TP53BP2: variants seen among roughly 807,000 people sequenced by gnomAD.
TP53BP2 encodes the protein apoptosis-stimulating of p53 protein 2.
In TP53BP2, 62 loss-of-function variants were observed where a neutral mutation model predicts 126.2. That is an observed-to-expected ratio of 0.49 (90% confidence interval 0.40 to 0.61). The LOEUF (loss-of-function observed/expected upper bound fraction) is 0.61, where lower values mean the gene tolerates loss of function less well. Ranked by LOEUF, TP53BP2 falls within the 20% of genes least tolerant of loss-of-function variation. The pLI, the probability that TP53BP2 is intolerant of heterozygous loss-of-function variation, is 0.00. For synonymous variants in TP53BP2, 485 were observed against 502.9 expected, an observed-to-expected ratio of 0.96 and a Z score of 0.48; for missense variants, 1,215 against 1,402.8, an observed-to-expected ratio of 0.87 and a Z score of 2.14.
chr1:223,829,734 C>CAA lies in TP53BP2; in HGVS notation c.28-8369_28-8368dup, dbSNP rs541890457. On this transcript the variant is annotated intron_variant, in intron 1 of 17. Coordinates refer to ENST00000343537, the MANE Select transcript of TP53BP2 (RefSeq NM_001031685.3). ...ATAAAGAGTGCAGCAATAATCAGGTCAAAAAAAAAAAAAAACAGCTGTTAC... is the reference window on the plus strand; with the variant it reads ...ATAAAGAGTGCAGCAATAATCAGGTCAAAAAAAAAAAAAAAAACAGCTGTTAC... 8.7e-3 allele frequency among the ~76,000 whole-genome samples: 887 copies of CAA among 101,504 alleles called. 6 individuals are homozygous for CAA. Among genetic ancestry groups the CAA allele is most frequent in the African/African-American group, 0.027 (816 of 29,916 alleles). 66.6% of individuals were successfully genotyped at this position (101,504 alleles called of 152,430 possible).
intron 11 of TP53BP2, among the ~76,000 whole-genome samples, chr1:223,799,658 C>CT (rs1234466538): frequency 6.6e-6 from 1 of 152,174 alleles, no homozygotes. Flanking sequence ...TGCACTTATA[C>CT]TTTTTAGAGA....
intron 2 of TP53BP2, chr1:223,818,158 C>T (rs1663157770): frequency 6.6e-6 from 1 of 152,442 alleles, no homozygotes; most frequent in Non-Finnish European, 1.5e-5. Flanking sequence ...ATCAAGAGAT[C>T]AGGGGAATCG....
chr1:223,836,823 G>A (rs981485585), intron 1 of TP53BP2, among the ~76,000 whole-genome samples: 4 of 152,122 alleles, frequency 2.6e-5, no homozygotes, highest in African/African-American at 9.7e-5. Flanking sequence ...GAAGACAGAA[G>A]AGAGGAAAAG....
intron 6 of TP53BP2, among the ~76,000 whole-genome samples, chr1:223,803,767 C>A (rs1448257581): frequency 6.6e-6 from 1 of 152,136 alleles, no homozygotes; most frequent in Non-Finnish European, 1.5e-5. Context: ...AAACCACAAA[C>A]ATTCTGAATA....
chr1:223,833,405 T>A (rs1663812008), intron 1 of TP53BP2, among the ~76,000 whole-genome samples: 1 of 152,176 alleles, frequency 6.6e-6, no homozygotes, highest in Non-Finnish European at 1.5e-5. Context: ...AGTCTCAATA[T>A]CAATTTGAAC....
Position 223,798,684 on chromosome 1 carries a change from C to G in TP53BP2, c.1486-7G>C. 1 of 1,583,842 alleles carries G rather than the reference C, an allele frequency of 6.3e-7. No homozygotes were observed. Among genetic ancestry groups the G allele is most frequent in the Non-Finnish European group, 8.6e-7 (1 of 1,165,124 alleles). On this transcript the variant is annotated splice_polypyrimidine_tract_variant and splice_region_variant and intron_variant, in intron 11 of 17. Coordinates refer to ENST00000343537, the MANE Select transcript of TP53BP2 (RefSeq NM_001031685.3). ...CCACATTTTTATTTGCAACCTATAA[C>G]ACACACATAAAAAGCCAGTTAAAAT...
At chr1:223,798,179 C>A in intron 12 of TP53BP2, 36 bp downstream of exon 12, 1 of 1,578,076 alleles carries the variant, frequency 6.3e-7, no homozygotes, top group Non-Finnish European at 8.6e-7. Flanking sequence ...TGGTATAGAA[C>A]TTAAGCACGT....
chr1:223,802,632 A>T (rs537409350), intron 8 of TP53BP2, 99 bp downstream of exon 8: 236 of 1,390,146 alleles, frequency 1.7e-4, no homozygotes, highest in Non-Finnish European at 2.1e-4. Flanking sequence ...CTGAGGGCAC[A>T]CTGAGTAATG....
chr1:223,845,277 A>T, intron 1 of TP53BP2: 3 of 984,752 alleles, frequency 3.0e-6, no homozygotes, highest in Non-Finnish European at 2.4e-6. Flanking sequence ...AAAAGTAAAA[A>T]GACACAGCAA....
Position 223,845,667 on chromosome 1 carries a change from G to T in TP53BP2, c.14C>A (p.Ser5Tyr), listed in dbSNP as rs1396816993. The stretch of plus-strand genomic sequence containing the variant: ...TCGCCCACTTACCGGCATCATCTTG[G>T]ACCCGAACCGCATGGAAGCGGGTGG... MRFG[S>Y]KMMPMFLTVY... Residue 5 changes from serine to tyrosine, a missense_variant, in exon 1 of 18, where the codon TCC becomes TAC. By Grantham distance (144) the Ser-to-Tyr change is moderately radical. This residue lies in a region of TP53BP2 where 814 missense variants were observed against 853.0 expected (regional missense o/e 0.95). Transcript: ENST00000343537. 6.4e-7 allele frequency: 1 copy of T among 1,552,320 alleles called. No individual in the cohort carries two copies. Among genetic ancestry groups the T allele is most frequent in the South Asian group, 1.2e-5 (1 of 85,478 alleles).
Position 223,845,722 on chromosome 1 carries a change from GC to G in TP53BP2, c.-43del. 1 of 1,497,812 alleles carries G rather than the reference GC, an allele frequency of 6.7e-7. No homozygotes were observed. 92.8% of individuals were successfully genotyped at this position (1,497,812 alleles called of 1,614,324 possible). ...ACTGCGGCCCCGGCCGAGCTGAGGT[GC>G]CCCGGAGGGTCGCGGATGCGGGGGA... On this transcript the variant is annotated 5_prime_UTR_variant, in exon 1 of 18. Transcript: ENST00000343537.
chr1:223,819,622 C>T (rs1277508042), intron 2 of TP53BP2, among the ~76,000 whole-genome samples: 3 of 150,410 alleles, frequency 2.0e-5, no homozygotes, highest in Non-Finnish European at 3.0e-5. Flanking sequence ...GGAGGCAGAG[C>T]TTTCAGTGAG....
rs979648923 is a variant in TP53BP2, at chr1:223,801,961, AT to A, written c.1225+154del. 7 of 685,076 alleles carry A rather than the reference AT, an allele frequency of 1.0e-5. No homozygotes were observed. The African/African-American group carries it at 1.3e-4, about 12-fold the overall frequency. The allele number at this position is 685,076 out of a possible 1,614,324, so 42.4% of individuals were successfully genotyped here. On this transcript the variant is annotated intron_variant, in intron 9 of 17. Coordinates refer to ENST00000343537, the MANE Select transcript of TP53BP2 (RefSeq NM_001031685.3). ...TTGTACAACCAGGGTATCAATTTTA[AT>A]TTTTTAAACGTCTCATTACACCAGC...
At chr1:223,817,961 C>T (rs1400269342) in intron 2 of TP53BP2, among the ~76,000 whole-genome samples, 1 of 149,942 alleles carries the variant, frequency 6.7e-6, no homozygotes, top group Non-Finnish European at 1.5e-5. Context: ...TTTACACATA[C>T]TAATCTGAAA....
At chr1:223,805,097 C>A (rs1030717185) in intron 5 of TP53BP2, among the ~76,000 whole-genome samples, 7 of 152,092 alleles carry the variant, frequency 4.6e-5, no homozygotes, top group Non-Finnish European at 8.8e-5. Flanking sequence ...CAGAGCCACA[C>A]AATTTATAAT....
chr1:223,791,950 C>T (rs1016460923), intron 15 of TP53BP2, among the ~76,000 whole-genome samples: 38 of 151,952 alleles, frequency 2.5e-4, no homozygotes, highest in African/African-American at 6.3e-4. Context: ...CCTGGTTCCA[C>T]GAAAAATGGA....
chr1:223,813,959 G>A (rs965013726), intron 3 of TP53BP2, among the ~76,000 whole-genome samples: 1 of 152,076 alleles, frequency 6.6e-6, no homozygotes, highest in African/African-American at 2.4e-5. Context: ...TTGTCTAAGA[G>A]GACTTTCTGC....
rs1306531123 is a variant in TP53BP2 at position 223,814,324 on chromosome 1, A to T, written c.205T>A (p.Phe69Ile). 3 of 1,613,732 alleles carry T rather than the reference A, an allele frequency of 1.9e-6. No individual in the cohort carries two copies. Among genetic ancestry groups the T allele is most frequent in the Non-Finnish European group, 2.5e-6 (3 of 1,179,654 alleles). Residue 69 changes from phenylalanine to isoleucine, a missense_variant, in exon 3 of 18, where the codon TTT (phenylalanine) becomes ATT (isoleucine). Physicochemically the swap from Phe to Ile is conservative, Grantham distance 21. This residue lies in a region of TP53BP2 where 814 missense variants were observed against 853.0 expected (regional missense o/e 0.95). Transcript: ENST00000343537. ...CTTCCAAATCGTTGAAGAACATCAA[A>T]CATTCGCTCATTATCCGCAACTGGA... ...ERPVADNERM[F>I]DVLQRFGSQR... is the part of the protein sequence containing the mutation.
At chr1:223,798,099 TAAA>T in intron 12 of TP53BP2, 113 bp downstream of exon 12, 1 of 1,025,420 alleles carries the variant, frequency 9.8e-7, no homozygotes, top group Non-Finnish European at 1.4e-6. Flanking sequence ...AAGCCACAGT[TAAA>T]AACCCTTAGC....
Sources: allele counts gnomAD v4.1 joint callset (sites outside exome capture counted in the v4.1 genomes callset), GRCh38; gene constraint gnomAD v4.1.1; regional missense constraint gnomAD v4.1.1; transcripts MANE v1.5; gene names NCBI Gene and HGNC (gene_info 2026-07-23, HGNC 2026-07-21).